The following DCX variants were observed in gnomAD, a reference collection of about 807,000 sequenced individuals.
DCX encodes neuronal migration protein doublecortin.
A neutral mutation model predicts 20.9 loss-of-function variants in DCX; 4 were observed. That is an observed-to-expected ratio of 0.19 (90% confidence interval 0.09 to 0.44). The LOEUF is 0.44. DCX is among the 20% of genes least tolerant of loss of function. DCX has a pLI of 0.99. For synonymous variants in DCX, 103 were observed against 111.4 expected, an observed-to-expected ratio of 0.92 and a Z score of 0.47; for missense variants, 133 against 296.9, an observed-to-expected ratio of 0.45 and a Z score of 4.06.
chrX:111,344,953 A>T (rs1922653990), intron 3 of DCX, among the ~76,000 whole-genome samples: 2 of 112,319 alleles, frequency 1.8e-5, no homozygotes, highest in South Asian at 7.4e-4. Flanking sequence ...TAAGCAAAAG[A>T]ACAAAGCTGG....
chrX:111,340,974 T>A (rs1922174407), intron 3 of DCX, among the ~76,000 whole-genome samples: 5 of 110,821 alleles, frequency 4.5e-5, no homozygotes. Flanking sequence ...CCAGAGTTCC[T>A]CTTCTCCAAA....
chrX:111,312,797 A>T, intron 5 of DCX, 61 bp from the exon 6 acceptor site: 1 of 1,064,341 alleles, frequency 9.4e-7, no homozygotes, highest in Non-Finnish European at 1.3e-6. Flanking sequence ...GGAGCAAGTT[A>T]TCCTTCCCCT....
intron 1 of DCX, chrX:111,410,686 A>C: frequency 9.3e-7 from 1 of 1,080,904 alleles, no homozygotes; most frequent in Non-Finnish European, 1.3e-6. Flanking sequence ...AGAGGGAGGC[A>C]CTCTTGGCAC....
intron 5 of DCX, 29 bp from the exon 6 acceptor site, chrX:111,312,765 A>G: frequency 8.4e-7 from 1 of 1,186,598 alleles, no homozygotes; most frequent in Non-Finnish European, 1.1e-6. Flanking sequence ...AAAGGAAGGG[A>G]TAAAAATCAA....
chrX:111,325,327 T>C (rs1367406613), intron 5 of DCX, among the ~76,000 whole-genome samples: 1 of 111,429 alleles, frequency 9.0e-6, no homozygotes, highest in Admixed American at 9.6e-5. Flanking sequence ...TACTAACTAC[T>C]GTGTGTCAGT....
chrX:111,351,944 G>A (rs1312156876), intron 3 of DCX, among the ~76,000 whole-genome samples: 3 of 111,561 alleles, frequency 2.7e-5, no homozygotes, highest in African/African-American at 9.8e-5. Context: ...AGGCTGGTCT[G>A]GAACTCCTGG....
intron 6 of DCX, among the ~76,000 whole-genome samples, chrX:111,305,199 G>A (rs1410098759): frequency 9.0e-6 from 1 of 111,010 alleles, no homozygotes; most frequent in Non-Finnish European, 1.9e-5. Flanking sequence ...CATCCACAGA[G>A]AAATTAAAGG....
At chrX:111,329,325 A>G (rs1465505295) in intron 5 of DCX, among the ~76,000 whole-genome samples, 1 of 111,887 alleles carries the variant, frequency 8.9e-6, no homozygotes, top group East Asian at 2.8e-4. Flanking sequence ...CTCTAGCACC[A>G]TGTTGGGTAA....
At chrX:111,390,135 C>T (rs373818585) in intron 3 of DCX, among the ~76,000 whole-genome samples, 2 of 111,490 alleles carry the variant, frequency 1.8e-5, no homozygotes, top group Non-Finnish European at 3.8e-5. Flanking sequence ...ATCTGATGTA[C>T]GTTGTTGGCT....
At chrX:111,344,646 CA>C (rs1159586711) in intron 3 of DCX, among the ~76,000 whole-genome samples, 1 of 110,287 alleles carries the variant, frequency 9.1e-6, no homozygotes, top group Admixed American at 9.7e-5. Flanking sequence ...ACAATCACTA[CA>C]AAAAAAGAAT....
At chrX:111,306,402 A>G (rs1268061201) in intron 6 of DCX, among the ~76,000 whole-genome samples, 1 of 111,981 alleles carries the variant, frequency 8.9e-6, no homozygotes, top group African/African-American at 3.2e-5. Context: ...ATATTTATAT[A>G]TCTTAACAGA....
chrX:111,380,591 A>G (rs1273507961), intron 3 of DCX, among the ~76,000 whole-genome samples: 1 of 111,430 alleles, frequency 9.0e-6, no homozygotes, highest in Non-Finnish European at 1.9e-5. Flanking sequence ...ATTAGGAAGT[A>G]TAAGTTTTAC....
At position 111,301,008 on chromosome X, in the gene DCX, T is replaced by C. The variant is rs1249878748; in HGVS notation, c.*679A>G. 8.8e-6 allele frequency: 1 copy of C among 113,891 alleles called. No homozygotes were observed. Among genetic ancestry groups the C allele is most frequent in the African/African-American group, 3.2e-5 (1 of 30,951 alleles). The allele number at this position is 113,891 out of a possible 1,213,427, so 9.4% of individuals were successfully genotyped here. A position where few individuals can be genotyped will look rare whatever the true frequency, so the allele number is the denominator to read the frequency against. On this transcript the variant is annotated 3_prime_UTR_variant, in exon 7 of 7. Transcript: ENST00000636035. Reference sequence around the variant, plus strand: ...TTGACCAGGAATTCACTGTGCTTTATAAACTCTTCGGAAATGTCTGCAGTA... The same window carrying C: ...TTGACCAGGAATTCACTGTGCTTTACAAACTCTTCGGAAATGTCTGCAGTA...
At chrX:111,347,365 ATTTC>A (rs1368252401) in intron 3 of DCX, among the ~76,000 whole-genome samples, 1 of 110,576 alleles carries the variant, frequency 9.0e-6, no homozygotes, top group Non-Finnish European at 1.9e-5. Flanking sequence ...ACTAAAATCC[ATTTC>A]TTTGAGTGCC....
chrX:111,324,680 T>C (rs1201359376), intron 5 of DCX, among the ~76,000 whole-genome samples: 1 of 112,213 alleles, frequency 8.9e-6, no homozygotes, highest in Non-Finnish European at 1.9e-5. Context: ...GCCTGACACA[T>C]AATAGGAGCT....
At chrX:111,390,815 A>G (rs1017662746) in intron 3 of DCX, among the ~76,000 whole-genome samples, 5 of 110,170 alleles carry the variant, frequency 4.5e-5, no homozygotes, top group African/African-American at 1.7e-4. Context: ...CCTGGCCGAC[A>G]TGGTGAGATC....
chrX:111,356,599 T>C (rs1280209433), intron 3 of DCX, among the ~76,000 whole-genome samples: 1 of 112,353 alleles, frequency 8.9e-6, no homozygotes, highest in Admixed American at 9.4e-5. Flanking sequence ...TGGGGTTCAA[T>C]AGTTGAATAG....
At chrX:111,371,694 C>T (rs1339293534) in intron 3 of DCX, among the ~76,000 whole-genome samples, 1 of 110,627 alleles carries the variant, frequency 9.0e-6, no homozygotes, top group East Asian at 2.8e-4. Flanking sequence ...GTTAGATCTC[C>T]ATGACAGATA....
intron 3 of DCX, among the ~76,000 whole-genome samples, chrX:111,352,421 A>G (rs1435141299): frequency 8.9e-6 from 1 of 112,108 alleles, no homozygotes; most frequent in Admixed American, 9.4e-5. Context: ...GCTAAGGCAG[A>G]ATTTATCTCA....
Sources: gnomAD v4.1 joint callset for allele counts (sites outside exome capture counted in the v4.1 genomes callset) on GRCh38, gnomAD v4.1.1 for gene constraint, MANE v1.5 for transcripts, NCBI Gene and HGNC (gene_info 2026-07-23, HGNC 2026-07-21) for gene names.